NFIB: variants seen among roughly 807,000 people sequenced by gnomAD.
NFIB encodes the protein nuclear factor I B, also known as nuclear factor 1 B-type.
NFIB carries 11 observed loss-of-function variants against 61.5 expected under a neutral mutation model. The observed-to-expected ratio is 0.18, with a 90% CI of 0.11 to 0.30. The LOEUF (loss-of-function observed/expected upper bound fraction) is 0.30, where lower values mean the gene tolerates loss of function less well. NFIB is among the 10% of genes least tolerant of loss of function. NFIB has a pLI of 1.00. For missense variants in NFIB, 471 were observed against 608.9 expected (o/e 0.77, Z 2.38); for synonymous variants, 260 against 216.5 (o/e 1.20, Z -1.76).
At chr9:14,178,946 G>C (rs1277062338) in intron 3 of NFIB, among the ~76,000 whole-genome samples, 1 of 151,990 alleles carries the variant, frequency 6.6e-6, no homozygotes, top group Non-Finnish European at 1.5e-5. Flanking sequence ...AGCTGGTTCG[G>C]GGTTTTTGTG....
chr9:14,190,517 G>A (rs1395364967), intron 2 of NFIB, among the ~76,000 whole-genome samples: 2 of 152,102 alleles, frequency 1.3e-5, no homozygotes, highest in Non-Finnish European at 2.9e-5. Flanking sequence ...TTGATAAGTG[G>A]TTCAAAGAAC....
intron 10 of NFIB, among the ~76,000 whole-genome samples, chr9:14,100,156 C>A (rs2035522820): frequency 2.0e-5 from 3 of 152,120 alleles, no homozygotes. Context: ...CATGCCATTA[C>A]CTACTAATCA....
At chr9:14,165,721 C>T (rs529453890) in intron 3 of NFIB, among the ~76,000 whole-genome samples, 1 of 152,172 alleles carries the variant, frequency 6.6e-6, no homozygotes, top group South Asian at 2.1e-4. Context: ...TCTTTGCAGC[C>T]CTTAAAAATG....
rs1563932366 is a variant in NFIB, at chr9:14,237,762, C to CTG, written c.563-57983_563-57982insCA. ...AAGCTCCTCACCCTGCTAGGTATAA[C>CTG]AGTGTGTGTGTGTGTGTGTGTGTGT... is the stretch of plus-strand genomic sequence containing the variant. On this transcript the variant is annotated intron_variant, in intron 2 of 10. Coordinates refer to ENST00000380953, the MANE Select transcript of NFIB (RefSeq NM_001190737.2). Among the ~76,000 whole-genome samples the CTG allele has an allele frequency of 1.3e-3, 140 of 105,894 alleles. 9 individuals carry two copies. Among genetic ancestry groups the CTG allele is most frequent in the African/African-American group, 5.5e-3 (133 of 24,388 alleles). 69.5% of individuals were successfully genotyped at this position (105,894 alleles called of 152,430 possible). A position where few individuals can be genotyped will look rare whatever the true frequency, so the allele number is the denominator to read the frequency against.
the NFIB span, among the ~76,000 whole-genome samples, chr9:14,482,224 C>T: frequency 6.6e-6 from 1 of 152,134 alleles, no homozygotes; most frequent in South Asian, 2.1e-4. Context: ...TTGTCTATAT[C>T]AAAAGTAGCT....
chr9:14,134,059 T>G (rs541610030), intron 6 of NFIB, among the ~76,000 whole-genome samples: 2 of 152,234 alleles, frequency 1.3e-5, no homozygotes, highest in Non-Finnish European at 2.9e-5. Context: ...AGACACATGG[T>G]GTGTTCCTTG....
chr9:14,161,446 C>G (rs2131275461), intron 3 of NFIB, among the ~76,000 whole-genome samples: 1 of 151,552 alleles, frequency 6.6e-6, no homozygotes, highest in East Asian at 1.9e-4. Context: ...TTTAACACGC[C>G]CTGATAGCAT....
chr9:14,400,887 G>A (rs941724085), upstream of NFIB, among the ~76,000 whole-genome samples: 1 of 152,210 alleles, frequency 6.6e-6, no homozygotes, highest in Non-Finnish European at 1.5e-5. Flanking sequence ...AGGAGGCAAT[G>A]GCTTGGCAAA....
intron 2 of NFIB, among the ~76,000 whole-genome samples, chr9:14,261,881 TG>T: frequency 6.6e-6 from 1 of 152,314 alleles, no homozygotes; most frequent in South Asian, 2.1e-4. Flanking sequence ...TATTCTTTGG[TG>T]CATCCGAACT....
intron 1 of NFIB, among the ~76,000 whole-genome samples, chr9:14,343,056 G>A (rs998908941): frequency 1.3e-5 from 2 of 151,876 alleles, no homozygotes; most frequent in Non-Finnish European, 1.5e-5. Flanking sequence ...GGCCGGGGGG[G>A]TAGGGGAGTG....
At chr9:14,370,800 A>G (rs953983597) in intron 1 of NFIB, among the ~76,000 whole-genome samples, 2 of 152,204 alleles carry the variant, frequency 1.3e-5, no homozygotes, top group Admixed American at 1.3e-4. Context: ...CTTTGTTTAA[A>G]TGCTAATGTC....
chr9:14,187,021 G>GTATA (rs1221334145), intron 2 of NFIB, among the ~76,000 whole-genome samples: 2 of 11,560 alleles, frequency 1.7e-4, no homozygotes, highest in East Asian at 5.6e-3. Flanking sequence ...GTGTGTGTGT[G>GTATA]TGTGTATGTG....
chr9:14,449,678 C>T, the NFIB span, among the ~76,000 whole-genome samples: 2 of 151,948 alleles, frequency 1.3e-5, no homozygotes, highest in South Asian at 2.1e-4. Flanking sequence ...ACCTGTAATC[C>T]CAGCAATTTG....
chr9:14,107,365 C>T (rs2036716724), intron 10 of NFIB, among the ~76,000 whole-genome samples: 1 of 151,792 alleles, frequency 6.6e-6, no homozygotes, highest in Admixed American at 6.6e-5. Context: ...ATCCTCATAT[C>T]TTAAAAGTCA....
intron 2 of NFIB, among the ~76,000 whole-genome samples, chr9:14,202,001 G>A (rs182248200): frequency 1.7e-4 from 26 of 152,224 alleles, no homozygotes; most frequent in African/African-American, 5.3e-4. Flanking sequence ...TCTTCATGGA[G>A]CTTATGGTTT....
chr9:14,329,039 T>G (rs2132844181), intron 1 of NFIB, among the ~76,000 whole-genome samples: 1 of 152,354 alleles, frequency 6.6e-6, no homozygotes, highest in South Asian at 2.1e-4. Flanking sequence ...TAGATGGGGC[T>G]TGGTCTCCAC....
Position 14,307,648 on chromosome 9 carries a change from TTCC to T in NFIB, c.31-131_31-129del. The T allele has an allele frequency of 1.1e-6, 1 of 891,518 alleles. No homozygotes were observed. The highest frequency in any genetic ancestry group is 1.6e-6 in the Non-Finnish European group (1 of 621,966). The allele number at this position is 891,518 out of a possible 1,614,324, so 55.2% of individuals were successfully genotyped here. The stretch of plus-strand genomic sequence containing the variant: ...CAAAAAGTTATACATGAAAATAACA[TTCC>T]TTTCTTATTTAAAATTATCAAAATA... On this transcript the variant is annotated intron_variant, in intron 1 of 10. Coordinates refer to ENST00000380953, the MANE Select transcript of NFIB (RefSeq NM_001190737.2). This position sits in a 1 kb window ranked among gnomAD's most constrained non-coding sequence, Gnocchi z 5.3.
intron 4 of NFIB, among the ~76,000 whole-genome samples, chr9:14,152,281 G>C (rs1366707073): frequency 1.3e-5 from 2 of 152,046 alleles, no homozygotes; most frequent in Non-Finnish European, 2.9e-5. Context: ...GAGTAACTAA[G>C]TGCCTGATGG....
intron 2 of NFIB, among the ~76,000 whole-genome samples, chr9:14,267,933 G>A (rs543762201): frequency 4.6e-5 from 7 of 152,140 alleles, no homozygotes. Flanking sequence ...AGGAGTTCAA[G>A]ACCAGCCTGG....
Sources: allele counts gnomAD v4.1 joint callset (sites outside exome capture counted in the v4.1 genomes callset), GRCh38; gene constraint gnomAD v4.1.1; non-coding constraint Gnocchi (gnomAD v3.1); transcripts MANE v1.5; gene names NCBI Gene and HGNC (gene_info 2026-07-23, HGNC 2026-07-21).